RSPO3: variants seen among roughly 807,000 people sequenced by gnomAD.
The protein encoded by RSPO3 is R-spondin-3.
A neutral mutation model predicts 36.5 loss-of-function variants in RSPO3; 17 were observed. That is an observed-to-expected ratio of 0.47 (90% CI 0.32 to 0.70). The LOEUF (loss-of-function observed/expected upper bound fraction) is 0.70. Among genes scored for constraint, RSPO3 ranks in the 30% least tolerant of loss-of-function variants. The pLI, the probability that RSPO3 is intolerant of heterozygous loss-of-function variation, is 0.04. For missense variants in RSPO3, 294 were observed against 322.5 expected, an observed-to-expected ratio of 0.91 and a Z score of 0.68; for synonymous variants, 108 against 107.0, an observed-to-expected ratio of 1.01 and a Z score of -0.06.
intron 1 of RSPO3, 107 bp from the exon 2 acceptor site, chr6:127,148,541 C>T (rs907235031): frequency 2.5e-6 from 2 of 792,518 alleles, no homozygotes; most frequent in African/African-American, 1.7e-5. Flanking sequence ...CACCCATTAC[C>T]AACAAATTGA....
intron 1 of RSPO3, among the ~76,000 whole-genome samples, chr6:127,127,350 CA>C (rs1218382656): frequency 1.3e-5 from 2 of 152,050 alleles, no homozygotes; most frequent in African/African-American, 4.8e-5. Flanking sequence ...AAGCAAATAT[CA>C]ATCACATTTT....
At chr6:127,152,880 T>C (rs1335197881) in intron 3 of RSPO3, among the ~76,000 whole-genome samples, 1 of 152,134 alleles carries the variant, frequency 6.6e-6, no homozygotes, top group Non-Finnish European at 1.5e-5. Context: ...GTTGGATTTG[T>C]TCAAGAAACA....
chr6:127,182,124 A>G (rs1775201126), intron 4 of RSPO3, among the ~76,000 whole-genome samples: 1 of 151,772 alleles, frequency 6.6e-6, no homozygotes, highest in South Asian at 2.1e-4. Context: ...TTTAACAAGC[A>G]GCTCTCTGGG....
In RSPO3 at chr6:127,138,201, T is replaced by C. The variant is rs534481537; in HGVS notation, c.98-10447T>C. ...TAAAGTTTTAGAATCTTTAGACCTT[T>C]GGTTTCTCTGTACCATATAGACCTT... On this transcript the variant is annotated intron_variant, in intron 1 of 4. Transcript: ENST00000356698. Among the ~76,000 whole-genome samples the C allele has an allele frequency of 9.9e-5, 15 of 152,222 alleles. 1 individual carries two copies. In the South Asian group the frequency reaches 3.1e-3, roughly 32 times the overall value.
intron 1 of RSPO3, among the ~76,000 whole-genome samples, chr6:127,145,365 T>A (rs1338936823): frequency 2.0e-5 from 3 of 152,110 alleles, no homozygotes; most frequent in Non-Finnish European, 4.4e-5. Context: ...TTCTCCTAGT[T>A]TGCATGCCTG....
At chr6:127,151,600 A>G (rs76104342) in intron 3 of RSPO3, among the ~76,000 whole-genome samples, 3,309 of 152,184 alleles carry the variant, frequency 0.022, 40 homozygotes, top group South Asian at 0.045. Flanking sequence ...TAATAACTCT[A>G]AAGTGATGGT....
In RSPO3 at chr6:127,144,643, G is replaced by GTTTTTTTTTTTTTTTTTTTT. The variant is rs56388820; in HGVS notation, c.98-3992_98-3991insTTTTTTTTTTTTTTTTTTTT. Among the ~76,000 whole-genome samples the GTTTTTTTTTTTTTTTTTTTT allele has an allele frequency of 1.3e-3, 133 of 99,084 alleles. 21 individuals carry two copies. Among genetic ancestry groups the GTTTTTTTTTTTTTTTTTTTT allele is most frequent in the African/African-American group, 3.1e-3 (75 of 24,092 alleles). The allele number at this position is 99,084 out of a possible 152,430, so 65.0% of individuals were successfully genotyped here. ...TGTAATTTTTCAGTAGCTTCCCCTTGTTTTTTTTTTTTTCAGACAGAGTCT... is the reference window on the plus strand; with the variant it reads ...TGTAATTTTTCAGTAGCTTCCCCTTGTTTTTTTTTTTTTTTTTTTTTTTTTTTTTTTTTCAGACAGAGTCT... On this transcript the variant is annotated intron_variant, in intron 1 of 4. Coordinates refer to ENST00000356698, the MANE Select transcript of RSPO3 (RefSeq NM_032784.5).
At chr6:127,183,647 A>G (rs1775232975) in intron 4 of RSPO3, among the ~76,000 whole-genome samples, 1 of 152,068 alleles carries the variant, frequency 6.6e-6, no homozygotes, top group African/African-American at 2.4e-5. Flanking sequence ...GACTCACTAC[A>G]GTTCTCAGGC....
chr6:127,136,109 T>A (rs1389138108), intron 1 of RSPO3, among the ~76,000 whole-genome samples: 1 of 152,122 alleles, frequency 6.6e-6, no homozygotes, highest in East Asian at 1.9e-4. Context: ...TAGAAATAAC[T>A]CCTGTAGCCA....
Position 127,196,110 on chromosome 6 carries a change from T to C in RSPO3, c.*103T>C, listed in dbSNP as rs1332371357. 5 of 952,882 alleles carry C rather than the reference T, an allele frequency of 5.2e-6. No homozygotes were observed. Among genetic ancestry groups the C allele is most frequent in the Middle Eastern group, 2.3e-4 (1 of 4,374 alleles). 59.0% of individuals were successfully genotyped at this position (952,882 alleles called of 1,614,324 possible). On this transcript the variant is annotated 3_prime_UTR_variant, in exon 5 of 5. Transcript: ENST00000356698. ...GGACCACAAATGGACATGTCAGTTA[T>C]TGCTCTGTCTAAACAACATTCCCAG...
chr6:127,155,148 G>A (rs1774567122), intron 3 of RSPO3, 93 bp from the exon 4 acceptor site: 2 of 1,231,014 alleles, frequency 1.6e-6, no homozygotes, highest in Non-Finnish European at 2.4e-6. Flanking sequence ...CTCAAATGTG[G>A]GCAAGTTCTG....
At chr6:127,194,413 G>C (rs1324171436) in intron 4 of RSPO3, among the ~76,000 whole-genome samples, 2 of 152,120 alleles carry the variant, frequency 1.3e-5, no homozygotes, top group African/African-American at 4.8e-5. Flanking sequence ...CCTAGTTTTT[G>C]TTTACTGTAA....
chr6:127,189,305 G>A (rs1775360869), intron 4 of RSPO3, among the ~76,000 whole-genome samples: 1 of 151,768 alleles, frequency 6.6e-6, no homozygotes, highest in African/African-American at 2.4e-5. Flanking sequence ...TCAACAGTAA[G>A]TCTGAGTTAG....
chr6:127,166,157 A>G (rs1311391498), intron 4 of RSPO3, among the ~76,000 whole-genome samples: 1 of 151,984 alleles, frequency 6.6e-6, no homozygotes, highest in Non-Finnish European at 1.5e-5. Context: ...TAGTAGCTCA[A>G]TAGTGTGTGC....
intron 4 of RSPO3, among the ~76,000 whole-genome samples, chr6:127,165,319 T>C (rs1481489144): frequency 6.6e-6 from 1 of 152,096 alleles, no homozygotes; most frequent in African/African-American, 2.4e-5. Flanking sequence ...TTATGGAATA[T>C]GTACATATGA....
At chr6:127,181,720 T>C (rs2114633088) in intron 4 of RSPO3, among the ~76,000 whole-genome samples, 1 of 152,044 alleles carries the variant, frequency 6.6e-6, no homozygotes, top group East Asian at 1.9e-4. Context: ...CCAACCTTAC[T>C]TCTGCTTTCC....
intron 1 of RSPO3, 111 bp downstream of exon 1, chr6:127,119,400 C>T: frequency 1.3e-6 from 1 of 774,086 alleles, no homozygotes; most frequent in Admixed American, 2.2e-5. Context: ...CGCCCTGCGC[C>T]TCGCAGAGGA....
chr6:127,119,341 C>G lies in RSPO3; in HGVS notation c.97+52C>G, dbSNP rs557877647. ...GCTCCCTCCCGCCGCGTTCACCTGT[C>G]GGGTCGCTTTGCCTGTCCGGAGCCG... is the stretch of plus-strand genomic sequence containing the variant. On this transcript the variant is annotated intron_variant, in intron 1 of 4. Transcript: ENST00000356698. 20 of 1,386,694 alleles carry G rather than the reference C, an allele frequency of 1.4e-5. No individual in the cohort carries two copies. The East Asian group carries it at 3.5e-4, about 24-fold the overall frequency. 85.9% of individuals were successfully genotyped at this position (1,386,694 alleles called of 1,614,324 possible).
At chr6:127,173,925 A>T (rs112775661) in intron 4 of RSPO3, among the ~76,000 whole-genome samples, 2 of 151,926 alleles carry the variant, frequency 1.3e-5, no homozygotes, top group Non-Finnish European at 2.9e-5. Context: ...TGTTAACCGA[A>T]TAAGAGTTTC....
Sources: gnomAD v4.1 joint callset for allele counts (sites outside exome capture counted in the v4.1 genomes callset) on GRCh38, gnomAD v4.1.1 for gene constraint, MANE v1.5 for transcripts, NCBI Gene and HGNC (gene_info 2026-07-23, HGNC 2026-07-21) for gene names.